Variants in RNF24 observed in about 807,000 individuals in gnomAD.
The protein encoded by RNF24 is ring finger protein 24.
In RNF24, 14 loss-of-function variants were observed where a neutral mutation model predicts 20.0. The observed-to-expected ratio is 0.70, with a 90% CI of 0.46 to 1.10. The LOEUF is 1.10. Among genes scored for constraint, RNF24 ranks in the 50% least tolerant of loss-of-function variants. The pLI is 0.00. For missense variants in RNF24, 124 were observed against 177.6 expected, an observed-to-expected ratio of 0.70 and a Z score of 1.71; for synonymous variants, 45 against 61.1, an observed-to-expected ratio of 0.74 and a Z score of 1.23.
chr20:3,994,759 A>T (rs1980727443), intron 1 of RNF24, among the ~76,000 whole-genome samples: 1 of 152,196 alleles, frequency 6.6e-6, no homozygotes, highest in Non-Finnish European at 1.5e-5. Flanking sequence ...GATTGAACAC[A>T]TTAATTCCAG....
In RNF24 at chr20:3,948,284, A is replaced by G; in HGVS notation, c.144-5T>C. 6.4e-7 allele frequency: 1 copy of G among 1,574,374 alleles called. No homozygotes were observed. The highest frequency in any genetic ancestry group is 1.9e-5 in the Admixed American group (1 of 51,664). ...TTGTGTGCTTGATGTCTTAGCCTAA[A>G]AGACAGAAATTAGTAATGCAATATT... On this transcript the variant is annotated splice_polypyrimidine_tract_variant and splice_region_variant and intron_variant, in intron 2 of 5. Coordinates refer to ENST00000358395, the MANE Select transcript of RNF24 (RefSeq NM_001134337.3).
intron 1 of RNF24, among the ~76,000 whole-genome samples, chr20:3,992,137 A>G (rs1250812803): frequency 2.0e-5 from 3 of 152,200 alleles, no homozygotes; most frequent in East Asian, 3.8e-4. Flanking sequence ...TACCCACTCA[A>G]TAACAGTTGG....
chr20:3,932,605 AAG>A lies in RNF24; in HGVS notation c.*1456_*1457del, dbSNP rs2090837935. The A allele has an allele frequency of 4.0e-6, 1 of 250,496 alleles. No individual in the cohort carries two copies. Among genetic ancestry groups the A allele is most frequent in the Non-Finnish European group, 7.5e-6 (1 of 133,356 alleles). The allele number at this position is 250,496 out of a possible 1,614,324, so 15.5% of individuals were successfully genotyped here. A position where few individuals can be genotyped will look rare whatever the true frequency, so the allele number is the denominator to read the frequency against. On this transcript the variant is annotated 3_prime_UTR_variant, in exon 6 of 6. Coordinates refer to ENST00000358395, the MANE Select transcript of RNF24 (RefSeq NM_001134337.3). ...GAGTCATGCCAAGAGCAGAGTAGCA[AAG>A]CTCCCTCCATCCATTCTCCATGTCA...
At chr20:3,964,104 G>T (rs1032440664) in intron 1 of RNF24, 80 bp from the exon 2 acceptor site, 2 of 1,218,338 alleles carry the variant, frequency 1.6e-6, no homozygotes, top group Admixed American at 2.2e-5. Context: ...CACGTATAGA[G>T]GCACAATGAC....
At chr20:4,003,335 T>C (rs373670079) in intron 1 of RNF24, among the ~76,000 whole-genome samples, 1 of 152,160 alleles carries the variant, frequency 6.6e-6, no homozygotes, top group South Asian at 2.1e-4. Context: ...CCTTCTGAAA[T>C]AGTATTTTAA....
chr20:3,968,344 C>G (rs1306872950), intron 1 of RNF24, among the ~76,000 whole-genome samples: 1 of 151,996 alleles, frequency 6.6e-6, no homozygotes, highest in African/African-American at 2.4e-5. Context: ...TGCAGTGGTA[C>G]ATGCCTGTAA....
At chr20:3,937,887 T>C (rs534349299) in intron 4 of RNF24, among the ~76,000 whole-genome samples, 1 of 152,320 alleles carries the variant, frequency 6.6e-6, no homozygotes, top group East Asian at 1.9e-4. Flanking sequence ...GTTTCTACCT[T>C]TTGGCTATTG....
At chr20:3,944,141 C>T (rs571049732) in intron 4 of RNF24, among the ~76,000 whole-genome samples, 2 of 145,362 alleles carry the variant, frequency 1.4e-5, no homozygotes, top group East Asian at 2.0e-4. Context: ...GCCCAGGAGG[C>T]GGAGTTTGTA....
At chr20:4,014,034 T>G (rs1031066361) in intron 1 of RNF24, among the ~76,000 whole-genome samples, 1 of 152,214 alleles carries the variant, frequency 6.6e-6, no homozygotes, top group Non-Finnish European at 1.5e-5. Context: ...CACAACAAAG[T>G]CAGGCAGGCA....
chr20:3,948,489 G>GT (rs1244758577), intron 2 of RNF24, among the ~76,000 whole-genome samples: 1 of 151,930 alleles, frequency 6.6e-6, no homozygotes, highest in Non-Finnish European at 1.5e-5. Flanking sequence ...TTACCCAAAC[G>GT]TAAGATGACT....
intron 1 of RNF24, among the ~76,000 whole-genome samples, chr20:4,003,667 G>A (rs1981607292): frequency 1.0e-5 from 1 of 98,422 alleles, no homozygotes; most frequent in African/African-American, 3.9e-5. Flanking sequence ...TTTTGAGACA[G>A]AGTCTCACTC....
chr20:3,934,940 G>T lies in RNF24; in HGVS notation c.308+54C>A, dbSNP rs2090871845. On this transcript the variant is annotated intron_variant, in intron 5 of 5. Transcript: ENST00000358395. The surrounding 1 kb of genome is among the most constrained non-coding windows in gnomAD (Gnocchi z 4.0). ...ACTGCCCTAAAACCCAAAAGAAGTTGGTTGATGTGCCTCAAACTCGGGTCC... is the reference window on the plus strand; with the variant it reads ...ACTGCCCTAAAACCCAAAAGAAGTTTGTTGATGTGCCTCAAACTCGGGTCC... 4 of 1,463,246 alleles carry T rather than the reference G, an allele frequency of 2.7e-6. No homozygotes were observed. In the South Asian group the frequency reaches 3.4e-5, roughly 13 times the overall value. 90.6% of individuals were successfully genotyped at this position (1,463,246 alleles called of 1,614,324 possible).
At chr20:3,997,883 G>C (rs761259280) in intron 1 of RNF24, among the ~76,000 whole-genome samples, 13 of 152,202 alleles carry the variant, frequency 8.5e-5, no homozygotes, top group Non-Finnish European at 1.8e-4. Context: ...TATTTTCACA[G>C]AACTACATTC....
intron 1 of RNF24, among the ~76,000 whole-genome samples, chr20:3,986,336 C>T (rs900619520): frequency 1.3e-5 from 2 of 151,978 alleles, no homozygotes; most frequent in African/African-American, 4.8e-5. Flanking sequence ...ACTGCAGCCT[C>T]GACCTCCTGA....
At chr20:3,947,569 ACTG>A (rs1245697076) in intron 3 of RNF24, among the ~76,000 whole-genome samples, 1 of 152,212 alleles carries the variant, frequency 6.6e-6, no homozygotes, top group East Asian at 1.9e-4. Flanking sequence ...CCTCCGAGGA[ACTG>A]CTATGTCTTC....
At chr20:3,974,417 G>A in intron 1 of RNF24, 1 of 1,534,080 alleles carries the variant, frequency 6.5e-7, no homozygotes, top group Non-Finnish European at 8.8e-7. Context: ...AGTGCAATAA[G>A]GTAGAAAAGG....
At chr20:3,998,574 CAAAAAAAAAAAAAAAAA>C (rs34012774) in intron 1 of RNF24, among the ~76,000 whole-genome samples, 3 of 31,340 alleles carry the variant, frequency 9.6e-5, no homozygotes, top group East Asian at 1.0e-3. Flanking sequence ...GACTCTATCT[CAAAAAAAAAAAAAAAAA>C]AAAAAAAAAA....
rs2090834224 is a variant in RNF24, at chr20:3,932,300, A to G, written c.*1763T>C. 1 of 152,246 alleles carries G rather than the reference A, an allele frequency of 6.6e-6. No homozygotes were observed. The highest frequency in any genetic ancestry group is 2.1e-4 in the South Asian group (1 of 4,836). The allele number at this position is 152,246 out of a possible 1,614,324, so 9.4% of individuals were successfully genotyped here. ...ACGGTGAAAGTAGGAGTGCATAAAT[A>G]GTTTTTTTCATGGGTGCCAGACAGG... On this transcript the variant is annotated 3_prime_UTR_variant, in exon 6 of 6. Coordinates refer to ENST00000358395, the MANE Select transcript of RNF24 (RefSeq NM_001134337.3).
intron 1 of RNF24, among the ~76,000 whole-genome samples, chr20:3,978,584 C>G (rs1046085471): frequency 6.6e-6 from 1 of 151,824 alleles, no homozygotes; most frequent in Non-Finnish European, 1.5e-5. Context: ...TATAAGAAAA[C>G]ACTTTAAATG....
Sources: gnomAD v4.1 joint callset for allele counts (sites outside exome capture counted in the v4.1 genomes callset) on GRCh38, gnomAD v4.1.1 for gene constraint, Gnocchi (gnomAD v3.1) non-coding constraint, MANE v1.5 for transcripts, NCBI Gene and HGNC (gene_info 2026-07-23, HGNC 2026-07-21) for gene names.